BABAM2: variants seen among roughly 807,000 people sequenced by gnomAD.
BABAM2 encodes BRISC and BRCA1-A complex member 2.
A neutral mutation model predicts 54.7 loss-of-function variants in BABAM2; 31 were observed. That is an observed-to-expected ratio of 0.57 (90% CI 0.43 to 0.77). The LOEUF (loss-of-function observed/expected upper bound fraction) is 0.77. Among genes scored for constraint, BABAM2 ranks in the 30% least tolerant of loss-of-function variants. BABAM2 has a pLI of 0.00. For synonymous variants in BABAM2, 167 were observed against 162.9 expected (o/e 1.03, Z -0.19); for missense variants, 364 against 455.8 (o/e 0.80, Z 1.83).
intron 2 of BABAM2, among the ~76,000 whole-genome samples, chr2:27,926,456 G>A (rs1667713924): frequency 6.6e-6 from 1 of 152,166 alleles, no homozygotes; most frequent in Non-Finnish European, 1.5e-5. Flanking sequence ...CTCTTTCCCA[G>A]AACTTGGCAT....
intron 5 of BABAM2, among the ~76,000 whole-genome samples, chr2:28,032,672 T>C (rs1676384746): frequency 6.6e-6 from 1 of 152,178 alleles, no homozygotes; most frequent in African/African-American, 2.4e-5. Context: ...AAAACTATAA[T>C]GTTTAGGAAA....
chr2:28,060,573 T>A (rs950656928), intron 6 of BABAM2, among the ~76,000 whole-genome samples: 1 of 152,160 alleles, frequency 6.6e-6, no homozygotes, highest in Non-Finnish European at 1.5e-5. Flanking sequence ...ATGATATTGT[T>A]GACTATGTCA....
intron 3 of BABAM2, among the ~76,000 whole-genome samples, chr2:27,931,917 A>T (rs1186602880): frequency 6.6e-6 from 1 of 151,830 alleles, no homozygotes; most frequent in Non-Finnish European, 1.5e-5. Flanking sequence ...CATTTTCAAG[A>T]TTGTTAACTT....
intron 3 of BABAM2, among the ~76,000 whole-genome samples, chr2:27,952,203 G>A (rs1334724563): frequency 6.6e-6 from 1 of 152,128 alleles, no homozygotes; most frequent in Non-Finnish European, 1.5e-5. Flanking sequence ...TGTGTCTTTA[G>A]ATTTCTTTTG....
At chr2:28,222,816 G>A (rs1306479692) in intron 7 of BABAM2, among the ~76,000 whole-genome samples, 1 of 152,178 alleles carries the variant, frequency 6.6e-6, no homozygotes, top group Non-Finnish European at 1.5e-5. Context: ...CTGGTTTAAA[G>A]AAAGCAAACA....
intron 7 of BABAM2, among the ~76,000 whole-genome samples, chr2:28,220,133 T>C (rs1009579376): frequency 6.6e-6 from 1 of 152,154 alleles, no homozygotes; most frequent in African/African-American, 2.4e-5. Context: ...AACGAACTGA[T>C]TGTCGAAGCC....
intron 6 of BABAM2, among the ~76,000 whole-genome samples, chr2:28,128,048 G>A (rs1300169283): frequency 1.3e-5 from 2 of 151,936 alleles, no homozygotes; most frequent in African/African-American, 4.8e-5. Context: ...TCCTGACCTC[G>A]TGATCCGCCC....
At chr2:27,933,771 T>G (rs1044153217) in intron 3 of BABAM2, among the ~76,000 whole-genome samples, 2 of 148,106 alleles carry the variant, frequency 1.4e-5, no homozygotes, top group Non-Finnish European at 3.0e-5. Context: ...CTTGTTTTTT[T>G]TTTTTTTTTT....
At chr2:28,194,076 G>A (rs749088281) in intron 7 of BABAM2, among the ~76,000 whole-genome samples, 6 of 152,106 alleles carry the variant, frequency 3.9e-5, no homozygotes, top group East Asian at 1.9e-4. Context: ...GAGAGCGGGC[G>A]GGAGTGTTCC....
At chr2:28,253,135 G>A (rs946059417) in intron 10 of BABAM2, among the ~76,000 whole-genome samples, 13 of 152,128 alleles carry the variant, frequency 8.5e-5, no homozygotes, top group African/African-American at 3.1e-4. Flanking sequence ...TGAGTGCGGT[G>A]GCTCATGCCC....
intron 6 of BABAM2, among the ~76,000 whole-genome samples, chr2:28,051,148 G>A (rs1042797024): frequency 6.6e-6 from 1 of 152,138 alleles, no homozygotes; most frequent in African/African-American, 2.4e-5. Context: ...AAAATGAGTA[G>A]TACTTACTTG....
At chr2:27,994,920 T>A (rs1179386145) in intron 4 of BABAM2, among the ~76,000 whole-genome samples, 1 of 152,172 alleles carries the variant, frequency 6.6e-6, no homozygotes, top group Non-Finnish European at 1.5e-5. Context: ...ACAGAAACCA[T>A]AGCAGTAATT....
intron 10 of BABAM2, among the ~76,000 whole-genome samples, chr2:28,255,217 C>T (rs917210064): frequency 1.3e-5 from 2 of 152,114 alleles, no homozygotes; most frequent in African/African-American, 4.8e-5. Context: ...ATCTTGAAAG[C>T]CTTTCTTTAG....
At chr2:28,107,472 T>G (rs1272695096) in intron 6 of BABAM2, among the ~76,000 whole-genome samples, 3 of 152,214 alleles carry the variant, frequency 2.0e-5, no homozygotes, top group Non-Finnish European at 4.4e-5. Context: ...CAGTATCCAG[T>G]ATTTCATCCT....
chr2:28,088,891 CTGTG>C (rs1191809644), intron 6 of BABAM2, among the ~76,000 whole-genome samples: 2 of 152,064 alleles, frequency 1.3e-5, no homozygotes, highest in African/African-American at 4.8e-5. Context: ...CCATGTTCAT[CTGTG>C]TGTGTGTACC....
intron 11 of BABAM2, among the ~76,000 whole-genome samples, chr2:28,311,566 T>C (rs1043355311): frequency 6.6e-6 from 1 of 152,158 alleles, no homozygotes; most frequent in African/African-American, 2.4e-5. Context: ...AAGCAAAGGA[T>C]AGTGGCCTGG....
At chr2:28,296,973 C>T (rs1408886372) in intron 10 of BABAM2, among the ~76,000 whole-genome samples, 1 of 152,234 alleles carries the variant, frequency 6.6e-6, no homozygotes, top group Non-Finnish European at 1.5e-5. Context: ...CAGGTGTGAG[C>T]CACTGTGCCT....
chr2:28,234,163 C>A (rs1005680254), intron 7 of BABAM2, among the ~76,000 whole-genome samples: 1 of 152,146 alleles, frequency 6.6e-6, no homozygotes, highest in African/African-American at 2.4e-5. Flanking sequence ...GTTGTGTGAA[C>A]CTAGGCAGTA....
rs72855700 is a variant in BABAM2 at position 28,235,080 on chromosome 2, T to C, written c.681-2122T>C. On this transcript the variant is annotated intron_variant, in intron 7 of 11. Transcript: ENST00000379624. ...TTAGGTAACATCTGAGTAGAAAAAGTCAATACTGAATATTTCCACTCCACA... is the reference window on the plus strand; with the variant it reads ...TTAGGTAACATCTGAGTAGAAAAAGCCAATACTGAATATTTCCACTCCACA... 9.3e-3 allele frequency among the ~76,000 whole-genome samples: 1,410 copies of C among 152,348 alleles called. 13 individuals carry two copies. Among genetic ancestry groups the C allele is most frequent in the African/African-American group, 0.031 (1,308 of 41,578 alleles).
Sources: gnomAD v4.1 joint callset for allele counts (sites outside exome capture counted in the v4.1 genomes callset) on GRCh38, gnomAD v4.1.1 for gene constraint, MANE v1.5 for transcripts, NCBI Gene and HGNC (gene_info 2026-07-23, HGNC 2026-07-21) for gene names.